The following CCDC7 variants were observed in gnomAD, a reference collection of about 807,000 sequenced individuals.
The protein encoded by CCDC7 is coiled-coil domain-containing protein 7.
CCDC7 carries 183 observed loss-of-function variants against 196.9 expected under a neutral mutation model. That is an observed-to-expected ratio of 0.93 (90% confidence interval 0.82 to 1.05). The LOEUF is 1.05. CCDC7 is among the 50% of genes least tolerant of loss of function. The pLI is 0.00. For synonymous variants in CCDC7, 525 were observed against 484.6 expected (o/e 1.08, Z -1.10); for missense variants, 1,540 against 1,482.2 (o/e 1.04, Z -0.64).
At chr10:32,613,636 G>T (rs2062435428) in intron 18 of CCDC7, among the ~76,000 whole-genome samples, 2 of 152,110 alleles carry the variant, frequency 1.3e-5, no homozygotes, top group Non-Finnish European at 2.9e-5. Flanking sequence ...TTGTTTCCAA[G>T]AACTTATTTA....
intron 11 of CCDC7, among the ~76,000 whole-genome samples, chr10:32,541,243 T>A (rs1275617527): frequency 6.6e-6 from 1 of 151,756 alleles, no homozygotes; most frequent in Non-Finnish European, 1.5e-5. Context: ...GCAGTGGGGG[T>A]GGGCGAGGAT....
chr10:32,767,617 C>T (rs1372696067), intron 28 of CCDC7, among the ~76,000 whole-genome samples: 1 of 152,008 alleles, frequency 6.6e-6, no homozygotes, highest in Non-Finnish European at 1.5e-5. Context: ...TTTCATGGAA[C>T]CAAAAAATCA....
intron 20 of CCDC7, among the ~76,000 whole-genome samples, chr10:32,644,226 C>A (rs1286406755): frequency 6.6e-6 from 1 of 152,088 alleles, no homozygotes. Flanking sequence ...TCTTGTCTAG[C>A]TATCTTGAAT....
chr10:32,804,429 C>A (rs7901041), intron 29 of CCDC7, among the ~76,000 whole-genome samples: 2 of 152,002 alleles, frequency 1.3e-5, no homozygotes, highest in African/African-American at 4.8e-5. Context: ...ATGTTTTCCT[C>A]AATCTACAAG....
chr10:32,633,498 A>G (rs559472846), intron 18 of CCDC7, among the ~76,000 whole-genome samples: 1 of 152,226 alleles, frequency 6.6e-6, no homozygotes, highest in South Asian at 2.1e-4. Flanking sequence ...AGCACTAGAA[A>G]AACAAATTTA....
intron 33 of CCDC7, among the ~76,000 whole-genome samples, chr10:32,837,831 T>A (rs961314253): frequency 2.0e-5 from 3 of 147,706 alleles, no homozygotes; most frequent in African/African-American, 7.5e-5. Context: ...AAGGACAAAG[T>A]ACCAAACACC....
chr10:32,556,089 CA>C (rs1262555883), intron 13 of CCDC7, among the ~76,000 whole-genome samples: 1 of 152,124 alleles, frequency 6.6e-6, no homozygotes, highest in Non-Finnish European at 1.5e-5. Flanking sequence ...AACTGAGTTT[CA>C]AGAAGTGAGG....
chr10:32,662,175 C>T (rs2071614877), intron 20 of CCDC7, among the ~76,000 whole-genome samples: 1 of 152,144 alleles, frequency 6.6e-6, no homozygotes, highest in African/African-American at 2.4e-5. Context: ...TGCACTGTTT[C>T]TCTCAAAGAG....
intron 29 of CCDC7, among the ~76,000 whole-genome samples, chr10:32,803,365 T>C (rs2085182234): frequency 6.6e-6 from 1 of 152,208 alleles, no homozygotes; most frequent in African/African-American, 2.4e-5. Context: ...ATTATTGTCT[T>C]GGGGACTCTT....
chr10:32,784,806 A>C (rs1435534867), intron 29 of CCDC7, among the ~76,000 whole-genome samples: 1 of 152,074 alleles, frequency 6.6e-6, no homozygotes, highest in Admixed American at 6.5e-5. Flanking sequence ...GTTCGAGACC[A>C]GCCTGGCCCA....
chr10:32,448,211 C>T (rs987244282), upstream of CCDC7, among the ~76,000 whole-genome samples: 1 of 151,992 alleles, frequency 6.6e-6, no homozygotes. Context: ...TTCTATTGTT[C>T]ACAACCTAGT....
At chr10:32,561,704 A>T (rs1423529511) in intron 13 of CCDC7, among the ~76,000 whole-genome samples, 1 of 152,272 alleles carries the variant, frequency 6.6e-6, no homozygotes, top group African/African-American at 2.4e-5. Flanking sequence ...AGCAGGAAAG[A>T]TCTAAAATGG....
chr10:32,451,150 A>G (rs2032954839), upstream of CCDC7, among the ~76,000 whole-genome samples: 1 of 152,192 alleles, frequency 6.6e-6, no homozygotes, highest in South Asian at 2.1e-4. Context: ...ATGGAGAGCA[A>G]AGGGTATAGA....
chr10:32,811,018 A>G (rs2086971035), intron 30 of CCDC7, among the ~76,000 whole-genome samples: 1 of 152,120 alleles, frequency 6.6e-6, no homozygotes, highest in African/African-American at 2.4e-5. Flanking sequence ...AACAAAAGCA[A>G]TGCTAAAAAT....
chr10:32,594,072 C>T (rs2060057737), intron 18 of CCDC7, among the ~76,000 whole-genome samples: 1 of 152,156 alleles, frequency 6.6e-6, no homozygotes, highest in South Asian at 2.1e-4. Flanking sequence ...GTAGTTTTTT[C>T]CAATTCTGTG....
chr10:32,511,965 AGTAGCAGGATAGGACAATCATGTTG>A, intron 9 of CCDC7: 1 of 533,202 alleles, frequency 1.9e-6, no homozygotes. Flanking sequence ...AAATTTATAT[AGTAGCAGGATAGGACAATCATGTTG>A]GTCTTTGGGG....
intron 18 of CCDC7, among the ~76,000 whole-genome samples, chr10:32,626,720 T>C (rs2139328726): frequency 6.6e-6 from 1 of 152,156 alleles, no homozygotes; most frequent in East Asian, 1.9e-4. Flanking sequence ...AATGTGAGTT[T>C]AATTTTTGTA....
At chr10:32,715,319 A>G (rs2081409722) in intron 25 of CCDC7, among the ~76,000 whole-genome samples, 4 of 152,200 alleles carry the variant, frequency 2.6e-5, no homozygotes, top group Admixed American at 2.6e-4. Context: ...GGACTGTTAG[A>G]AGGAAAACTA....
At chr10:32,673,301 A>AT (rs2074365111) in intron 21 of CCDC7, among the ~76,000 whole-genome samples, 1 of 152,016 alleles carries the variant, frequency 6.6e-6, no homozygotes, top group Non-Finnish European at 1.5e-5. Context: ...GAATTTTAGA[A>AT]TTGTTATTTC....
Sources: gnomAD v4.1 joint callset for allele counts (sites outside exome capture counted in the v4.1 genomes callset) on GRCh38, gnomAD v4.1.1 for gene constraint, MANE v1.5 for transcripts, NCBI Gene and HGNC (gene_info 2026-07-23, HGNC 2026-07-21) for gene names.